The following MAFG variants were observed in gnomAD, a reference collection of about 807,000 sequenced individuals.
The protein encoded by MAFG is MAF bZIP transcription factor G.
MAFG carries 3 observed loss-of-function variants against 12.2 expected under a neutral mutation model. The observed-to-expected ratio is 0.25, with a 90% CI of 0.11 to 0.64. The LOEUF (loss-of-function observed/expected upper bound fraction) is 0.64, where lower values mean the gene tolerates loss of function less well. Ranked by LOEUF, MAFG falls within the 30% of genes least tolerant of loss-of-function variation. MAFG has a pLI of 0.85. For synonymous variants in MAFG, 126 were observed against 109.1 expected (o/e 1.15, Z -0.96); for missense variants, 153 against 235.5 (o/e 0.65, Z 2.29).
intron 1 of MAFG, among the ~76,000 whole-genome samples, chr17:81,923,793 G>T (rs555209971): frequency 6.6e-6 from 1 of 152,274 alleles, no homozygotes; most frequent in South Asian, 2.1e-4. Flanking sequence ...CCCCTGAGCC[G>T]GCCTCGGACA....
Position 81,920,938 on chromosome 17 carries a change from C to G in MAFG, c.*1667G>C, listed in dbSNP as rs767352766. 3 of 152,386 alleles carry G rather than the reference C, an allele frequency of 2.0e-5. No homozygotes were observed. Among genetic ancestry groups the G allele is most frequent in the Admixed American group, 6.5e-5 (1 of 15,286 alleles). 9.4% of individuals were successfully genotyped at this position (152,386 alleles called of 1,614,324 possible). On this transcript the variant is annotated 3_prime_UTR_variant, in exon 3 of 3. Transcript: ENST00000357736. ...AACACCTCAGGGATCAAGCGGGCGG[C>G]GAGACCTGCAGCCCACGGCGCGGGC...
intron 1 of MAFG, among the ~76,000 whole-genome samples, chr17:81,927,130 G>A (rs764685394): frequency 3.1e-4 from 47 of 151,402 alleles, no homozygotes; most frequent in East Asian, 9.8e-4. Context: ...GGATGAATCA[G>A]CAGCTGCGGG....
Position 81,919,288 on chromosome 17 carries a change from G to C in MAFG, c.*3317C>G, listed in dbSNP as rs755576461. The C allele has an allele frequency of 2.6e-5, 4 of 152,304 alleles. No individual in the cohort carries two copies. The highest frequency in any genetic ancestry group is 5.9e-5 in the Non-Finnish European group (4 of 68,072). 9.4% of individuals were successfully genotyped at this position (152,304 alleles called of 1,614,324 possible). A position where few individuals can be genotyped will look rare whatever the true frequency, so the allele number is the denominator to read the frequency against. ...TGGCCAAGTGGCCACTCCAGAGGGA[G>C]GCAGCAGGGACAACATGGGACCTGA... On this transcript the variant is annotated 3_prime_UTR_variant, in exon 3 of 3. Transcript: ENST00000357736.
chr17:81,924,989 G>A lies in MAFG; in HGVS notation c.-29-1775C>T, dbSNP rs765240272. ...CGCAGAAGGCCTGAACTCAGCACAAGTGCAAGCCATCGCCTCCTATCAAAG... is the reference window on the plus strand; with the variant it reads ...CGCAGAAGGCCTGAACTCAGCACAAATGCAAGCCATCGCCTCCTATCAAAG... On this transcript the variant is annotated intron_variant, in intron 1 of 2. Transcript: ENST00000357736. This position sits in a 1 kb window ranked among gnomAD's most constrained non-coding sequence, Gnocchi z 4.7. Among the ~76,000 whole-genome samples, 1 of 152,250 alleles carries A rather than the reference G, an allele frequency of 6.6e-6. No homozygotes were observed. The highest frequency in any genetic ancestry group is 1.5e-5 in the Non-Finnish European group (1 of 68,044).
In MAFG at chr17:81,919,064, G is replaced by A. The variant is rs1326020828; in HGVS notation, c.*3541C>T. The A allele has an allele frequency of 4.6e-5, 7 of 152,266 alleles. No homozygotes were observed. Among genetic ancestry groups the A allele is most frequent in the East Asian group, 3.8e-4 (2 of 5,202 alleles). 9.4% of individuals were successfully genotyped at this position (152,266 alleles called of 1,614,324 possible). A position where few individuals can be genotyped will look rare whatever the true frequency, so the allele number is the denominator to read the frequency against. On this transcript the variant is annotated 3_prime_UTR_variant, in exon 3 of 3. Coordinates refer to ENST00000357736, the MANE Select transcript of MAFG (RefSeq NM_002359.4). Reference sequence around the variant, plus strand: ...CACTGATTATGTACTCTACTCTCCCGACCTGCTCCAAGGCCAGACAGCCAA... The same window carrying A: ...CACTGATTATGTACTCTACTCTCCCAACCTGCTCCAAGGCCAGACAGCCAA...
chr17:81,929,135 T>C (rs1436151772), upstream of MAFG, among the ~76,000 whole-genome samples: 4 of 152,198 alleles, frequency 2.6e-5, no homozygotes, highest in African/African-American at 9.7e-5. The surrounding 1 kb of genome is among the most constrained non-coding windows in gnomAD (Gnocchi z 5.7). Flanking sequence ...CAACTCCTCC[T>C]CACAGGGTCG....
rs2040900715 is a variant in MAFG, at chr17:81,922,507, G to C, written c.*98C>G. 6 of 970,724 alleles carry C rather than the reference G, an allele frequency of 6.2e-6. No individual in the cohort carries two copies. Among genetic ancestry groups the C allele is most frequent in the Non-Finnish European group, 5.7e-6 (4 of 696,516 alleles). The allele number at this position is 970,724 out of a possible 1,614,324, so 60.1% of individuals were successfully genotyped here. A position where few individuals can be genotyped will look rare whatever the true frequency, so the allele number is the denominator to read the frequency against. On this transcript the variant is annotated 3_prime_UTR_variant, in exon 3 of 3. Coordinates refer to ENST00000357736, the MANE Select transcript of MAFG (RefSeq NM_002359.4). ...GGAAGAGAGAAGGGTGGGGAAGAGAGGGAGGAAAGAGAAGAGAAGGAAACA... is the reference window on the plus strand; with the variant it reads ...GGAAGAGAGAAGGGTGGGGAAGAGACGGAGGAAAGAGAAGAGAAGGAAACA...
Position 81,926,028 on chromosome 17 carries a change from G to GTGTGTGTGTGT in MAFG, c.-30+1499_-30+1500insACACACACACA, listed in dbSNP as rs1567916031. ...TGTGTGTGTGTGTGTGTGTGTGTGT[G>GTGTGTGTGTGT]GCGGGGGGCGGGGGGCATCCCTGAG... On this transcript the variant is annotated intron_variant, in intron 1 of 2. Transcript: ENST00000357736. The surrounding 1 kb of genome is among the most constrained non-coding windows in gnomAD (Gnocchi z 4.6). Among the ~76,000 whole-genome samples, 43 of 109,774 alleles carry GTGTGTGTGTGT rather than the reference G, an allele frequency of 3.9e-4. No homozygotes were observed. Among genetic ancestry groups the GTGTGTGTGTGT allele is most frequent in the African/African-American group, 1.3e-3 (41 of 31,098 alleles). The allele number at this position is 109,774 out of a possible 152,430, so 72.0% of individuals were successfully genotyped here.
At position 81,927,567 on chromosome 17, in the gene MAFG, GGGCCGCGCGCGCTCCGA is replaced by G. The variant is rs1017141327; in HGVS notation, c.-86_-70del. 11 of 145,542 alleles carry G rather than the reference GGGCCGCGCGCGCTCCGA, an allele frequency of 7.6e-5. No homozygotes were observed. Among genetic ancestry groups the G allele is most frequent in the African/African-American group, 1.2e-4 (5 of 40,590 alleles). The allele number at this position is 145,542 out of a possible 1,614,324, so 9.0% of individuals were successfully genotyped here. A position where few individuals can be genotyped will look rare whatever the true frequency, so the allele number is the denominator to read the frequency against. On this transcript the variant is annotated 5_prime_UTR_variant, in exon 1 of 3. Coordinates refer to ENST00000357736, the MANE Select transcript of MAFG (RefSeq NM_002359.4). ...GGCGGGCCGAGGCCGGGGCGGGGCGGGGCCGCGCGCGCTCCGAGGCCGCGCGGGGCAGGGACCGGCGC... is the reference window on the plus strand; with the variant it reads ...GGCGGGCCGAGGCCGGGGCGGGGCGGGGCCGCGCGGGGCAGGGACCGGCGC...
At chr17:81,929,090 C>G (rs190101245), upstream of MAFG, among the ~76,000 whole-genome samples, 3 of 152,224 alleles carry the variant, frequency 2.0e-5, no homozygotes, top group Non-Finnish European at 4.4e-5. The surrounding 1 kb of genome is among the most constrained non-coding windows in gnomAD (Gnocchi z 5.7). Context: ...CGCGGGCAGA[C>G]GCTCACCAGG....
chr17:81,922,977 C>G lies in MAFG; in HGVS notation c.117G>C (p.Gln39His). ...CCTCCTTGGACAGGCCCCGCAGGTG[C>G]TGGTTCAGCTCCCGCACCGACATGG... ...LVTMSVRELNQHLRGLSKEEI... is the reference protein window; with the variant it reads ...LVTMSVRELNHHLRGLSKEEI... Residue 39 changes from glutamine to histidine, a missense_variant, in exon 3 of 3, where the codon CAG becomes CAC. By Grantham distance (24) the Gln-to-His change is conservative. This residue lies in a region of MAFG where 43 missense variants were observed against 65.6 expected (regional missense o/e 0.66). Coordinates refer to ENST00000357736, the MANE Select transcript of MAFG (RefSeq NM_002359.4). 1.9e-6 allele frequency: 3 copies of G among 1,599,310 alleles called. No individual in the cohort carries two copies. The highest frequency in any genetic ancestry group is 2.6e-6 in the Non-Finnish European group (3 of 1,173,056).
Position 81,922,680 on chromosome 17 carries a change from C to T in MAFG, c.414G>A (p.Gly138=), listed in dbSNP as rs773429117. ...CGGCCACCTTGCCTGGGACGAGGGG[C>T]CCCAGGCCGGCGGCAAGGGGGCCCC... ...PARGPLAAGL[G]PLVPGKVAAT... Residue 138 remains glycine (G), a synonymous_variant, in exon 3 of 3, where the codon GGG becomes GGA. Coordinates refer to ENST00000357736, the MANE Select transcript of MAFG (RefSeq NM_002359.4). 4 of 1,508,036 alleles carry T rather than the reference C, an allele frequency of 2.7e-6. No homozygotes were observed. The highest frequency in any genetic ancestry group is 2.7e-5 in the South Asian group (2 of 74,396). The allele number at this position is 1,508,036 out of a possible 1,614,324, so 93.4% of individuals were successfully genotyped here. A position where few individuals can be genotyped will look rare whatever the true frequency, so the allele number is the denominator to read the frequency against.
chr17:81,922,938 C>T lies in MAFG; in HGVS notation c.156G>A (p.Leu52=). 6.2e-7 allele frequency: 1 copy of T among 1,604,756 alleles called. No individual in the cohort carries two copies. The change falls in exon 3 of 3, where the codon CTG becomes CTA. Residue 52 remains leucine, a synonymous_variant. Transcript: ENST00000357736. ...TCTTGAGCGTGCGCCGGCGCTGCTT[C>T]AGCTGGACGATCTCCTCCTTGGACA... is the stretch of plus-strand genomic sequence containing the variant. ...RGLSKEEIVQ[L]KQRRRTLKNR... is the part of the protein sequence containing the mutation.
rs754003802 is a variant in MAFG, at chr17:81,923,226, G to A, written c.-29-12C>T. 29 of 1,542,720 alleles carry A rather than the reference G, an allele frequency of 1.9e-5. No individual in the cohort carries two copies. Among genetic ancestry groups the A allele is most frequent in the South Asian group, 3.6e-5 (3 of 82,280 alleles). ...CGAGCAGGCGCTCTCTGCAAGACAC[G>A]GAGCAGGTCAGTACCCTGGAGACCA... On this transcript the variant is annotated splice_polypyrimidine_tract_variant and intron_variant, in intron 1 of 2. Coordinates refer to ENST00000357736, the MANE Select transcript of MAFG (RefSeq NM_002359.4).
chr17:81,923,260 G>GCCCCCCCCCCCCCCCCCC (rs1418757108), intron 1 of MAFG, 46 bp from the exon 2 acceptor site: 1 of 428,374 alleles, frequency 2.3e-6, no homozygotes, highest in Admixed American at 1.2e-4. Context: ...CACCCTCGCC[G>GCCCCCCCCCCCCCCCCCC]CACCCCCCCC....
chr17:81,927,859 A>T (rs1035868616), upstream of MAFG: 1 of 152,138 alleles, frequency 6.6e-6, no homozygotes, highest in Non-Finnish European at 1.5e-5. Flanking sequence ...CGTCCCTGGC[A>T]ACACTGGCTG....
upstream of MAFG, among the ~76,000 whole-genome samples, chr17:81,928,743 C>T (rs565238725): frequency 6.6e-6 from 1 of 152,332 alleles, no homozygotes; most frequent in African/African-American, 2.4e-5. The surrounding 1 kb of genome is among the most constrained non-coding windows in gnomAD (Gnocchi z 8.1). Flanking sequence ...CCTGGCGTGG[C>T]TTCCGAGGCC....
At chr17:81,923,122 C>T in intron 2 of MAFG, 28 bp downstream of exon 2, 1 of 1,612,136 alleles carries the variant, frequency 6.2e-7, no homozygotes, top group South Asian at 1.1e-5. Context: ...CGACCCCAGC[C>T]CACAGGCTCC....
At chr17:81,929,380 A>T (rs2040967332), upstream of MAFG, 2 of 152,198 alleles carry the variant, frequency 1.3e-5, no homozygotes, top group South Asian at 4.1e-4. The surrounding 1 kb of genome is among the most constrained non-coding windows in gnomAD (Gnocchi z 5.7). Flanking sequence ...GCAGAGTAGC[A>T]TACGGTGGCT....
Sources: gnomAD v4.1 joint callset for allele counts (sites outside exome capture counted in the v4.1 genomes callset) on GRCh38, gnomAD v4.1.1 for gene constraint, gnomAD v4.1.1 regional missense constraint, Gnocchi (gnomAD v3.1) non-coding constraint, MANE v1.5 for transcripts, NCBI Gene and HGNC (gene_info 2026-07-23, HGNC 2026-07-21) for gene names.